The following CDH12 variants were observed in gnomAD, a reference collection of about 807,000 sequenced individuals.
The protein encoded by CDH12 is cadherin 12.
A neutral mutation model predicts 74.1 loss-of-function variants in CDH12; 41 were observed. The observed-to-expected ratio is 0.55, with a 90% CI of 0.43 to 0.72. The LOEUF (loss-of-function observed/expected upper bound fraction) is 0.72, where lower values mean the gene tolerates loss of function less well. Ranked by LOEUF, CDH12 falls within the 30% of genes least tolerant of loss-of-function variation. The pLI, the probability that CDH12 is intolerant of heterozygous loss-of-function variation, is 0.00. For synonymous variants in CDH12, 399 were observed against 355.0 expected (o/e 1.12, Z -1.39); for missense variants, 945 against 977.2 (o/e 0.97, Z 0.44).
chr5:21,810,288 C>T (rs1579745547), intron 9 of CDH12, among the ~76,000 whole-genome samples: 1 of 151,972 alleles, frequency 6.6e-6, no homozygotes, highest in East Asian at 1.9e-4. Flanking sequence ...AGGAAAATAA[C>T]GTGTGAGGCT....
At chr5:22,603,240 GA>G (rs534757720) in intron 1 of CDH12, among the ~76,000 whole-genome samples, 95 of 151,384 alleles carry the variant, frequency 6.3e-4, no homozygotes, top group African/African-American at 2.2e-3. Flanking sequence ...AGCAACTATT[GA>G]AAAAAAATAA....
chr5:22,299,198 C>T (rs1211417090), intron 3 of CDH12, among the ~76,000 whole-genome samples: 1 of 151,878 alleles, frequency 6.6e-6, no homozygotes, highest in Non-Finnish European at 1.5e-5. Flanking sequence ...GATAGGTTAG[C>T]CGTAAAGTAA....
intron 1 of CDH12, among the ~76,000 whole-genome samples, chr5:22,561,745 AATT>A (rs1308008634): frequency 6.6e-6 from 1 of 152,186 alleles, no homozygotes; most frequent in Non-Finnish European, 1.5e-5. Context: ...AGGATCTCTA[AATT>A]GCATAGAGAG....
intron 4 of CDH12, among the ~76,000 whole-genome samples, chr5:22,115,750 G>T (rs202125770): frequency 2.7e-5 from 4 of 146,788 alleles, no homozygotes; most frequent in African/African-American, 1.0e-4. Flanking sequence ...GGAATGCAGC[G>T]GTACAATCTC....
At chr5:22,076,949 G>C (rs1450315572) in intron 5 of CDH12, among the ~76,000 whole-genome samples, 2 of 151,922 alleles carry the variant, frequency 1.3e-5, no homozygotes, top group African/African-American at 2.4e-5. Flanking sequence ...GGATCTTTAG[G>C]GATTGCACTA....
chr5:22,240,958 G>A (rs1272713447), intron 3 of CDH12, among the ~76,000 whole-genome samples: 2 of 152,070 alleles, frequency 1.3e-5, no homozygotes, highest in African/African-American at 4.8e-5. Flanking sequence ...AGAGGAGAAG[G>A]GCAAGGAAGG....
intron 1 of CDH12, among the ~76,000 whole-genome samples, chr5:22,806,513 C>T (rs1352096643): frequency 3.9e-5 from 6 of 151,920 alleles, no homozygotes; most frequent in Admixed American, 6.6e-5. Context: ...CCATCACGCC[C>T]GGCTAATGTT....
At chr5:22,414,032 A>T (rs923476147) in intron 2 of CDH12, among the ~76,000 whole-genome samples, 1 of 152,010 alleles carries the variant, frequency 6.6e-6, no homozygotes, top group Admixed American at 6.5e-5. Context: ...AATAATTTTT[A>T]ATCAGATAAT....
At chr5:22,798,017 G>A (rs1748316965) in intron 1 of CDH12, among the ~76,000 whole-genome samples, 1 of 152,126 alleles carries the variant, frequency 6.6e-6, no homozygotes, top group Non-Finnish European at 1.5e-5. Context: ...TTGTCAGGAA[G>A]CCTTAGGCAA....
intron 1 of CDH12, among the ~76,000 whole-genome samples, chr5:22,773,650 G>T (rs1307295973): frequency 6.6e-6 from 1 of 151,902 alleles, no homozygotes; most frequent in Non-Finnish European, 1.5e-5. Flanking sequence ...AGACAAGTGG[G>T]ACCTAAACTA....
At chr5:21,935,525 T>A (rs1755038112) in intron 6 of CDH12, among the ~76,000 whole-genome samples, 1 of 152,190 alleles carries the variant, frequency 6.6e-6, no homozygotes, top group African/African-American at 2.4e-5. Flanking sequence ...CTTTGATACA[T>A]GCATAATAAT....
At position 21,759,147 on chromosome 5, in the gene CDH12, TA is replaced by T. The variant is rs546762215; in HGVS notation, c.1633+1410del. 1.5e-3 allele frequency among the ~76,000 whole-genome samples: 232 copies of T among 152,182 alleles called. 1 individual carries two copies. Among genetic ancestry groups the T allele is most frequent in the Admixed American group, 2.1e-3 (32 of 15,258 alleles). ...AAAATTTTAAAAAGTAAAATTAAAT[TA>T]AAAAAAGTTGTATTCCATATCATGT... On this transcript the variant is annotated intron_variant, in intron 13 of 14. Coordinates refer to ENST00000382254, the MANE Select transcript of CDH12 (RefSeq NM_004061.5).
At chr5:21,889,885 T>C (rs1457368030) in intron 6 of CDH12, 26 of 982,866 alleles carry the variant, frequency 2.6e-5, no homozygotes, top group Non-Finnish European at 3.0e-5. Flanking sequence ...TTTCTTAGCA[T>C]ATAAGTTACC....
In CDH12 at chr5:21,894,716, T is replaced by G. The variant is rs112771994; in HGVS notation, c.527-39926A>C. 5.5e-3 allele frequency among the ~76,000 whole-genome samples: 824 copies of G among 149,952 alleles called. 12 individuals carry two copies. Among genetic ancestry groups the G allele is most frequent in the African/African-American group, 0.02 (794 of 39,434 alleles). On this transcript the variant is annotated intron_variant, in intron 6 of 14. Coordinates refer to ENST00000382254, the MANE Select transcript of CDH12 (RefSeq NM_004061.5). ...TTTAGTTGCATTCTAGGACTCCAGG[T>G]TTTTTTGACCAGCATTTAAAACCAA...
chr5:22,423,206 T>TAAAAAAAAA (rs58915238), intron 2 of CDH12, among the ~76,000 whole-genome samples: 4 of 121,440 alleles, frequency 3.3e-5, no homozygotes, highest in Non-Finnish European at 1.7e-5. Flanking sequence ...GTAAACACAG[T>TAAAAAAAAA]AAAAAAAAAA....
intron 1 of CDH12, among the ~76,000 whole-genome samples, chr5:22,692,320 A>C (rs1239502243): frequency 6.6e-6 from 1 of 152,130 alleles, no homozygotes; most frequent in Admixed American, 6.5e-5. Flanking sequence ...AAAATAAATT[A>C]TCCAGCCTCG....
intron 3 of CDH12, among the ~76,000 whole-genome samples, chr5:22,339,901 C>T (rs1349719498): frequency 1.3e-5 from 2 of 151,964 alleles, no homozygotes; most frequent in Non-Finnish European, 2.9e-5. Context: ...TGTTGCATTT[C>T]CTTAAAATTT....
At chr5:21,771,580 T>C (rs531659797) in intron 11 of CDH12, among the ~76,000 whole-genome samples, 1 of 152,212 alleles carries the variant, frequency 6.6e-6, no homozygotes, top group East Asian at 1.9e-4. Flanking sequence ...AAAAGGAGTG[T>C]CTGGGTTAAG....
intron 1 of CDH12, among the ~76,000 whole-genome samples, chr5:22,523,705 T>C (rs952630864): frequency 2.6e-5 from 4 of 152,166 alleles, no homozygotes; most frequent in African/African-American, 7.2e-5. Flanking sequence ...CATTTTTCAG[T>C]TGTAGGTTGC....
Sources: gnomAD v4.1 joint callset for allele counts (sites outside exome capture counted in the v4.1 genomes callset) on GRCh38, gnomAD v4.1.1 for gene constraint, MANE v1.5 for transcripts, NCBI Gene and HGNC (gene_info 2026-07-23, HGNC 2026-07-21) for gene names.